ADCY2: variants seen among roughly 807,000 people sequenced by gnomAD.
ADCY2 encodes adenylate cyclase 2, also known as adenylate cyclase type 2.
ADCY2 carries 31 observed loss-of-function variants against 125.2 expected under a neutral mutation model. That is an observed-to-expected ratio of 0.25 (90% CI 0.19 to 0.33). ADCY2 has a LOEUF of 0.33. Among genes scored for constraint, ADCY2 ranks in the 10% least tolerant of loss-of-function variants. ADCY2 has a pLI of 1.00. For synonymous variants in ADCY2, 512 were observed against 548.4 expected (o/e 0.93, Z 0.93); for missense variants, 904 against 1,418.2 (o/e 0.64, Z 5.82).
At chr5:7,627,985 A>C (rs1738190163) in intron 4 of ADCY2, among the ~76,000 whole-genome samples, 1 of 152,188 alleles carries the variant, frequency 6.6e-6, no homozygotes, top group South Asian at 2.1e-4. Context: ...TTTGTTCTAG[A>C]TGTGTGTCAA....
intron 21 of ADCY2, 99 bp from the exon 22 acceptor site, chr5:7,804,486 G>A (rs1408821541): frequency 1.5e-5 from 14 of 927,540 alleles, no homozygotes; most frequent in South Asian, 2.8e-5. Context: ...AACAAGTCAC[G>A]GCATTACTGT....
At chr5:7,748,596 G>T (rs1282093609) in intron 15 of ADCY2, among the ~76,000 whole-genome samples, 2 of 151,272 alleles carry the variant, frequency 1.3e-5, no homozygotes, top group Non-Finnish European at 2.9e-5. Flanking sequence ...CAGGCTTCTT[G>T]AGGATGCAAA....
intron 4 of ADCY2, among the ~76,000 whole-genome samples, chr5:7,683,153 G>A (rs1740396875): frequency 6.6e-6 from 1 of 152,176 alleles, no homozygotes; most frequent in Non-Finnish European, 1.5e-5. Context: ...CCTCACAGGT[G>A]GAATGGCCTT....
At chr5:7,690,869 T>C in intron 5 of ADCY2, 30 bp downstream of exon 5, 2 of 1,493,302 alleles carry the variant, frequency 1.3e-6, no homozygotes, top group Non-Finnish European at 1.8e-6. Flanking sequence ...CCTTGGCTGG[T>C]CTGGGAGTCT....
At chr5:7,416,642 A>G (rs1274853680) in intron 2 of ADCY2, among the ~76,000 whole-genome samples, 1 of 152,204 alleles carries the variant, frequency 6.6e-6, no homozygotes, top group Non-Finnish European at 1.5e-5. Flanking sequence ...AGAGCCCACC[A>G]CGACTGCAGG....
At position 7,545,058 on chromosome 5, in the gene ADCY2, G is replaced by C. The variant is rs187159959; in HGVS notation, c.570+24159G>C. Among the ~76,000 whole-genome samples, 411 of 152,268 alleles carry C rather than the reference G, an allele frequency of 2.7e-3. 2 individuals are homozygous for C. Among genetic ancestry groups the C allele is most frequent in the African/African-American group, 9.6e-3 (400 of 41,558 alleles). ...AGAGAGCGAGCATAGGAGCAAGATG[G>C]GAGCCGTAGTCTGTGGAGCCTAATC... On this transcript the variant is annotated intron_variant, in intron 3 of 24. Coordinates refer to ENST00000338316, the MANE Select transcript of ADCY2 (RefSeq NM_020546.3).
intron 3 of ADCY2, among the ~76,000 whole-genome samples, chr5:7,550,757 A>G (rs1344566800): frequency 1.3e-5 from 2 of 152,148 alleles, no homozygotes; most frequent in African/African-American, 2.4e-5. Context: ...ATGGTATCCC[A>G]TGCCCTTCAT....
chr5:7,445,905 AGTTTTATCTGCATATAAAGATT>A (rs1741233120), intron 2 of ADCY2, among the ~76,000 whole-genome samples: 1 of 152,206 alleles, frequency 6.6e-6, no homozygotes, highest in African/African-American at 2.4e-5. Context: ...ATCTTCACAC[AGTTTTATCTGCATATAAAGATT>A]GTTTTATGTC....
At chr5:7,822,258 G>C (rs1256910323) in intron 24 of ADCY2, among the ~76,000 whole-genome samples, 1 of 152,150 alleles carries the variant, frequency 6.6e-6, no homozygotes, top group East Asian at 1.9e-4. Flanking sequence ...TTGTATCATG[G>C]TTTGGAAATT....
chr5:7,544,613 G>A (rs111913429), intron 3 of ADCY2, among the ~76,000 whole-genome samples: 2,476 of 152,276 alleles, frequency 0.016, 30 homozygotes, highest in Non-Finnish European at 0.028. Flanking sequence ...ATGGAAGGCA[G>A]CATCCACAGG....
chr5:7,444,011 CAGAG>C (rs921856870), intron 2 of ADCY2, among the ~76,000 whole-genome samples: 1 of 151,980 alleles, frequency 6.6e-6, no homozygotes. Context: ...TATATAATCT[CAGAG>C]AGATTTCAGG....
intron 22 of ADCY2, among the ~76,000 whole-genome samples, chr5:7,814,692 A>G (rs1344869472): frequency 6.6e-6 from 1 of 152,134 alleles, no homozygotes; most frequent in Non-Finnish European, 1.5e-5. Context: ...GCTTATGTCT[A>G]CAGTCTCCAT....
At position 7,823,470 on chromosome 5, in the gene ADCY2, C is replaced by T. The variant is rs548858075; in HGVS notation, c.3123+2781C>T. 3.3e-5 allele frequency among the ~76,000 whole-genome samples: 5 copies of T among 152,190 alleles called. No homozygotes were observed. In the East Asian group the frequency reaches 7.7e-4, roughly 24 times the overall value. On this transcript the variant is annotated intron_variant, in intron 24 of 24. Coordinates refer to ENST00000338316, the MANE Select transcript of ADCY2 (RefSeq NM_020546.3). The stretch of plus-strand genomic sequence containing the variant: ...GAACAAGAATCGTGGGGCGTTTTGG[C>T]AGCCTAGTCTAATCATTTTCTGATG...
chr5:7,426,457 T>G (rs990998465), intron 2 of ADCY2, among the ~76,000 whole-genome samples: 1 of 152,212 alleles, frequency 6.6e-6, no homozygotes. Context: ...TGTCCTCACA[T>G]GTCAGAAGAG....
At chr5:7,484,686 A>G (rs28621821) in intron 2 of ADCY2, among the ~76,000 whole-genome samples, 7,618 of 152,210 alleles carry the variant, frequency 0.05, 281 homozygotes, top group African/African-American at 0.096. Context: ...AAACTATGAC[A>G]TGCCTGTGGC....
At chr5:7,679,868 G>T (rs975714262) in intron 4 of ADCY2, among the ~76,000 whole-genome samples, 6 of 152,140 alleles carry the variant, frequency 3.9e-5, no homozygotes, top group African/African-American at 1.4e-4. Context: ...GATCTCTGTG[G>T]CTGGGTACGT....
chr5:7,605,872 G>A (rs1384522989), intron 3 of ADCY2, among the ~76,000 whole-genome samples: 2 of 68,450 alleles, frequency 2.9e-5, no homozygotes, highest in Non-Finnish European at 6.0e-5. Flanking sequence ...GTGAGAGAGG[G>A]CATCCCTGTC....
intron 20 of ADCY2, chr5:7,800,265 T>A (rs185470053): frequency 6.6e-6 from 1 of 152,330 alleles, no homozygotes; most frequent in African/African-American, 2.4e-5. Flanking sequence ...TGGTGAGCGC[T>A]CAGTAAGTGC....
At chr5:7,575,117 G>C (rs1579589377) in intron 3 of ADCY2, among the ~76,000 whole-genome samples, 1 of 152,148 alleles carries the variant, frequency 6.6e-6, no homozygotes, top group East Asian at 1.9e-4. Flanking sequence ...CTTGAGGCCA[G>C]GAATTTCAGA....
Sources: gnomAD v4.1 joint callset for allele counts (sites outside exome capture counted in the v4.1 genomes callset) on GRCh38, gnomAD v4.1.1 for gene constraint, MANE v1.5 for transcripts, NCBI Gene and HGNC (gene_info 2026-07-23, HGNC 2026-07-21) for gene names.